NOL4: variants seen among roughly 807,000 people sequenced by gnomAD.
NOL4 encodes cancer/testis antigen 125.
In NOL4, 17 loss-of-function variants were observed where a neutral mutation model predicts 75.9. That is an observed-to-expected ratio of 0.22 (90% CI 0.15 to 0.34). NOL4 has a LOEUF of 0.34. NOL4 is among the 10% of genes least tolerant of loss of function. The pLI is 1.00. For missense variants in NOL4, 614 were observed against 793.5 expected (o/e 0.77, Z 2.72); for synonymous variants, 292 against 289.9 (o/e 1.01, Z -0.07).
intron 10 of NOL4, among the ~76,000 whole-genome samples, chr18:33,880,202 A>G (rs1442832430): frequency 1.3e-5 from 2 of 151,892 alleles, no homozygotes; most frequent in Non-Finnish European, 2.9e-5. Context: ...TTTATAGAAG[A>G]CCTTTATATA....
At chr18:34,222,690 C>T (rs932204360) in intron 1 of NOL4, among the ~76,000 whole-genome samples, 1 of 152,238 alleles carries the variant, frequency 6.6e-6, no homozygotes, top group African/African-American at 2.4e-5. Context: ...GGACGCCAGA[C>T]GCCGCCGCCC....
intron 5 of NOL4, among the ~76,000 whole-genome samples, chr18:34,028,429 C>A (rs1031657701): frequency 4.7e-4 from 71 of 152,292 alleles, no homozygotes; most frequent in African/African-American, 1.6e-3. Flanking sequence ...TGGTTGTACA[C>A]ATCTCATTTC....
chr18:33,971,028 T>C (rs958807474), intron 6 of NOL4, among the ~76,000 whole-genome samples: 1 of 152,202 alleles, frequency 6.6e-6, no homozygotes, highest in African/African-American at 2.4e-5. Context: ...GACAGACCTT[T>C]TCATTTTGAC....
chr18:34,151,489 CT>C (rs1397839992), intron 1 of NOL4, among the ~76,000 whole-genome samples: 1 of 151,690 alleles, frequency 6.6e-6, no homozygotes, highest in African/African-American at 2.4e-5. Context: ...AATATCTGAC[CT>C]TCTGGAAGAA....
chr18:34,171,841 C>A (rs2033070724), intron 1 of NOL4, among the ~76,000 whole-genome samples: 1 of 152,082 alleles, frequency 6.6e-6, no homozygotes, highest in Non-Finnish European at 1.5e-5. Flanking sequence ...TATCAAGCAG[C>A]ATTAAATTAA....
At chr18:33,918,422 T>C (rs1213155619) in intron 9 of NOL4, among the ~76,000 whole-genome samples, 1 of 152,182 alleles carries the variant, frequency 6.6e-6, no homozygotes, top group East Asian at 1.9e-4. Context: ...ATTAATATAT[T>C]CTTACTGATA....
At chr18:33,978,251 G>A (rs2071660974) in intron 6 of NOL4, among the ~76,000 whole-genome samples, 1 of 152,012 alleles carries the variant, frequency 6.6e-6, no homozygotes, top group Admixed American at 6.6e-5. Context: ...AATTTCATAT[G>A]CATATATCAA....
intron 1 of NOL4, among the ~76,000 whole-genome samples, chr18:34,182,084 A>C (rs1265422946): frequency 1.3e-5 from 2 of 151,622 alleles, no homozygotes; most frequent in Admixed American, 1.3e-4. Flanking sequence ...AAAAAAATAT[A>C]TATCAGCACA....
At chr18:34,086,116 T>A (rs1399794567) in intron 5 of NOL4, among the ~76,000 whole-genome samples, 4 of 152,118 alleles carry the variant, frequency 2.6e-5, no homozygotes, top group African/African-American at 4.8e-5. Flanking sequence ...AAATTCATCA[T>A]GTGAATTAGG....
intron 8 of NOL4, among the ~76,000 whole-genome samples, chr18:33,954,787 G>A (rs2069522642): frequency 6.6e-6 from 1 of 152,072 alleles, no homozygotes; most frequent in South Asian, 2.1e-4. Context: ...GGCTCTTGGA[G>A]TGATGACTAA....
At chr18:34,077,196 T>C (rs2077784616) in intron 5 of NOL4, among the ~76,000 whole-genome samples, 3 of 152,038 alleles carry the variant, frequency 2.0e-5, no homozygotes, top group Non-Finnish European at 4.4e-5. Flanking sequence ...TGGGCCCAGC[T>C]ACCTGGGAGG....
At chr18:34,011,064 T>C (rs1262299711) in intron 6 of NOL4, among the ~76,000 whole-genome samples, 1 of 150,706 alleles carries the variant, frequency 6.6e-6, no homozygotes, top group African/African-American at 2.4e-5. Flanking sequence ...TTATTACATA[T>C]TTTAAAATAA....
intron 9 of NOL4, among the ~76,000 whole-genome samples, chr18:33,890,984 C>T (rs892158900): frequency 1.2e-4 from 18 of 151,726 alleles, no homozygotes; most frequent in Non-Finnish European, 5.9e-5. Context: ...ATCAAACTTT[C>T]ATAAAGGTAC....
chr18:34,191,063 A>C (rs1181096148), intron 1 of NOL4, among the ~76,000 whole-genome samples: 1 of 152,128 alleles, frequency 6.6e-6, no homozygotes, highest in African/African-American at 2.4e-5. Context: ...TGTAGAACAG[A>C]AAGTAGAAAG....
intron 9 of NOL4, among the ~76,000 whole-genome samples, chr18:33,925,346 A>C (rs1427463158): frequency 6.6e-6 from 1 of 152,184 alleles, no homozygotes; most frequent in Non-Finnish European, 1.5e-5. Flanking sequence ...AATTAATTTA[A>C]TGTAAAGACC....
At chr18:34,078,737 T>C (rs997287474) in intron 5 of NOL4, among the ~76,000 whole-genome samples, 1 of 152,174 alleles carries the variant, frequency 6.6e-6, no homozygotes, top group African/African-American at 2.4e-5. Flanking sequence ...AGAGAAGGAA[T>C]TCTAAAATGC....
intron 1 of NOL4, among the ~76,000 whole-genome samples, chr18:34,134,981 G>C (rs937866377): frequency 1.3e-5 from 2 of 152,026 alleles, no homozygotes; most frequent in African/African-American, 4.8e-5. Context: ...TTTCAAATCA[G>C]ACTTATCTTT....
intron 4 of NOL4, among the ~76,000 whole-genome samples, chr18:34,096,531 A>G (rs1396621860): frequency 1.3e-5 from 2 of 152,176 alleles, no homozygotes; most frequent in Non-Finnish European, 2.9e-5. Context: ...GGCTTCTAAG[A>G]ATAAAGAATC....
chr18:34,113,992 T>C (rs751799927), intron 2 of NOL4, among the ~76,000 whole-genome samples: 1 of 152,200 alleles, frequency 6.6e-6, no homozygotes, highest in Non-Finnish European at 1.5e-5. Context: ...AGTCCTAATA[T>C]CTTTCTCGCA....
Sources: allele counts gnomAD v4.1 joint callset (sites outside exome capture counted in the v4.1 genomes callset), GRCh38; gene constraint gnomAD v4.1.1; transcripts MANE v1.5; gene names NCBI Gene and HGNC (gene_info 2026-07-23, HGNC 2026-07-21).